The following ZNF519 variants were observed in gnomAD, a reference collection of about 807,000 sequenced individuals.
ZNF519 encodes the protein zinc finger protein 519, also known as similar to Zinc finger protein 85 (Zinc finger protein HPF4) (HTF1).
A neutral mutation model predicts 7.4 loss-of-function variants in ZNF519; 7 were observed. That is an observed-to-expected ratio of 0.94 (90% CI 0.54 to 1.77). ZNF519 has a LOEUF of 1.77. ZNF519 is among the 40% of genes most tolerant of loss of function. ZNF519 has a pLI of 0.00. For missense variants in ZNF519, 586 were observed against 623.1 expected, an observed-to-expected ratio of 0.94 and a Z score of 0.63; for synonymous variants, 179 against 203.3, an observed-to-expected ratio of 0.88 and a Z score of 1.02.
At chr18:14,120,105 A>T (rs2046263529) in intron 2 of ZNF519, among the ~76,000 whole-genome samples, 2 of 152,194 alleles carry the variant, frequency 1.3e-5, no homozygotes, top group Middle Eastern at 3.2e-3. Context: ...GCAATATTGA[A>T]AAAGAACAAA....
At chr18:14,090,486 A>G (rs1474125379) in intron 2 of ZNF519, 1 of 152,270 alleles carries the variant, frequency 6.6e-6, no homozygotes, top group African/African-American at 2.4e-5. Context: ...GCTCATAGGA[A>G]TCACCCCATC....
At chr18:14,092,739 A>AAG (rs144542240) in intron 2 of ZNF519, among the ~76,000 whole-genome samples, 3,360 of 152,288 alleles carry the variant, frequency 0.022, 125 homozygotes, top group African/African-American at 0.074. Context: ...CATCCTGAGG[A>AAG]AGATTCTCTC....
At chr18:14,126,084 G>A (rs892499432) in intron 1 of ZNF519, among the ~76,000 whole-genome samples, 3 of 152,190 alleles carry the variant, frequency 2.0e-5, no homozygotes, top group African/African-American at 7.2e-5. Context: ...GCTGTGGAGA[G>A]GCAGTAGGGG....
chr18:14,105,751 T>C lies in ZNF519; in HGVS notation c.789A>G (p.Lys263=). 1 of 1,613,886 alleles carries C rather than the reference T, an allele frequency of 6.2e-7. No homozygotes were observed. The highest frequency in any genetic ancestry group is 1.1e-5 in the South Asian group (1 of 91,046). The change falls in exon 3 of 3, where the codon AAA becomes AAG. Residue 263 remains lysine (K), a synonymous_variant. Transcript: ENST00000590202. ...TGCCACGTTCTTTATATTTCACTGA[T>C]TTTTCTCCAGTGTTAATTATCTTAT... The part of the protein sequence containing the change: ...KGHKIINTGE[K]SVKYKERGKA...
downstream of ZNF519, chr18:14,075,765 T>A (rs1043047095): frequency 1.3e-5 from 2 of 152,208 alleles, no homozygotes; most frequent in Admixed American, 1.3e-4. Flanking sequence ...TGACTGATAC[T>A]TCTATTCATA....
At chr18:14,078,782 T>C (rs187042223) in intron 3 of ZNF519, among the ~76,000 whole-genome samples, 209 of 144,702 alleles carry the variant, frequency 1.4e-3, no homozygotes, top group African/African-American at 4.6e-3. Context: ...TTAATCAAAT[T>C]AATAAAAAAA....
Position 14,105,930 on chromosome 18 carries a change from T to C in ZNF519, c.610A>G (p.Ile204Val). 6.2e-7 allele frequency: 1 copy of C among 1,609,074 alleles called. No homozygotes were observed. ...TTAGAGTTGTAAGGCTTTTTTTGAA[T>C]ATGGATATTTTCAGGGAAAATAAGC... ...SKLIFPENIH[I>V]QKKPYNSNEC... Residue 204 changes from isoleucine to valine, a missense_variant, in exon 3 of 3, where the codon ATT becomes GTT. Coordinates refer to ENST00000590202, the MANE Select transcript of ZNF519 (RefSeq NM_145287.4).
chr18:14,095,024 A>C (rs2046130039), downstream of ZNF519, among the ~76,000 whole-genome samples: 1 of 152,166 alleles, frequency 6.6e-6, no homozygotes, highest in African/African-American at 2.4e-5. Flanking sequence ...CAACTTCGTC[A>C]CTTTAGGGTC....
chr18:14,092,321 T>G (rs2046117757), intron 2 of ZNF519, among the ~76,000 whole-genome samples: 1 of 152,036 alleles, frequency 6.6e-6, no homozygotes, highest in Non-Finnish European at 1.5e-5. Flanking sequence ...GGCAGAGAAG[T>G]GCATGTGGAT....
chr18:14,113,460 A>T (rs1261917970), intron 2 of ZNF519, among the ~76,000 whole-genome samples: 1 of 152,166 alleles, frequency 6.6e-6, no homozygotes, highest in Non-Finnish European at 1.5e-5. Flanking sequence ...CTGAAGTCTC[A>T]TGTCTCCCTA....
chr18:14,077,991 G>A (rs1272395251), intron 4 of ZNF519, among the ~76,000 whole-genome samples: 1 of 152,204 alleles, frequency 6.6e-6, no homozygotes, highest in African/African-American at 2.4e-5. Flanking sequence ...TCCATGGACA[G>A]GATCAGGTGT....
chr18:14,099,552 A>G (rs916616349), downstream of ZNF519, among the ~76,000 whole-genome samples: 7 of 152,222 alleles, frequency 4.6e-5, no homozygotes, highest in Admixed American at 4.6e-4. Context: ...GTTTATAAAT[A>G]AGTGCTCTTC....
At chr18:14,089,235 ATTTTT>A (rs1241412523) in intron 2 of ZNF519, among the ~76,000 whole-genome samples, 1 of 152,218 alleles carries the variant, frequency 6.6e-6, no homozygotes, top group Admixed American at 6.5e-5. Context: ...GGAACCTAAT[ATTTTT>A]TGAGTATTTC....
At chr18:14,089,467 G>C (rs1271869109) in intron 2 of ZNF519, among the ~76,000 whole-genome samples, 1 of 152,134 alleles carries the variant, frequency 6.6e-6, no homozygotes, top group African/African-American at 2.4e-5. Flanking sequence ...ACTGAGTCTA[G>C]AACTGTGGGC....
rs557522304 is a variant in ZNF519, at chr18:14,113,133, C to T, written c.131-6724G>A. Among the ~76,000 whole-genome samples the T allele has an allele frequency of 1.4e-4, 22 of 152,278 alleles. No homozygotes were observed. In the South Asian group the frequency reaches 4.6e-3, roughly 32 times the overall value. ...TCCATTCATCTGTTTTTGATAGACACTTTGGTTACTTCCAAATCTTGGCTA... is the reference window on the plus strand; with the variant it reads ...TCCATTCATCTGTTTTTGATAGACATTTTGGTTACTTCCAAATCTTGGCTA... On this transcript the variant is annotated intron_variant, in intron 2 of 2. Transcript: ENST00000590202.
At chr18:14,120,593 T>G (rs980250717) in intron 2 of ZNF519, among the ~76,000 whole-genome samples, 10 of 152,112 alleles carry the variant, frequency 6.6e-5, no homozygotes, top group Non-Finnish European at 1.3e-4. Flanking sequence ...AAAAAAATTT[T>G]TTTAAACCTT....
intron 1 of ZNF519, among the ~76,000 whole-genome samples, chr18:14,127,922 C>G (rs1009217435): frequency 4.0e-5 from 6 of 151,490 alleles, no homozygotes; most frequent in African/African-American, 1.5e-4. Flanking sequence ...TGGTGGGCAC[C>G]TTGTGTATAA....
At chr18:14,124,609 T>C (rs962106093) in intron 1 of ZNF519, 133 bp from the exon 2 acceptor site, 2 of 1,094,656 alleles carry the variant, frequency 1.8e-6, no homozygotes, top group Non-Finnish European at 2.6e-6. Context: ...TAATGTTCTC[T>C]AAAGCATTCT....
At chr18:14,094,505 A>T (rs1200306111) in intron 2 of ZNF519, among the ~76,000 whole-genome samples, 1 of 152,202 alleles carries the variant, frequency 6.6e-6, no homozygotes, top group African/African-American at 2.4e-5. Context: ...TGAATTTTAC[A>T]GATTGCTTTT....
Sources: gnomAD v4.1 joint callset for allele counts (sites outside exome capture counted in the v4.1 genomes callset) on GRCh38, gnomAD v4.1.1 for gene constraint, MANE v1.5 for transcripts, NCBI Gene and HGNC (gene_info 2026-07-23, HGNC 2026-07-21) for gene names.